The following NRXN3 variants were observed in gnomAD, a reference collection of about 807,000 sequenced individuals.
NRXN3 encodes the protein neurexin 3, also known as neurexin III.
In NRXN3, 32 loss-of-function variants were observed where a neutral mutation model predicts 137.6. The ratio of observed to expected loss-of-function variants is 0.23; its 90% CI spans 0.18 to 0.31. The LOEUF (loss-of-function observed/expected upper bound fraction) is 0.31. NRXN3 is among the 10% of genes least tolerant of loss of function. The pLI is 1.00. For synonymous variants in NRXN3, 798 were observed against 784.5 expected, an observed-to-expected ratio of 1.02 and a Z score of -0.29; for missense variants, 1,574 against 2,062.5, an observed-to-expected ratio of 0.76 and a Z score of 4.59.
chr14:79,696,360 G>GTAAT (rs1234080721), intron 18 of NRXN3, among the ~76,000 whole-genome samples: 1 of 151,820 alleles, frequency 6.6e-6, no homozygotes, highest in Non-Finnish European at 1.5e-5. Context: ...TCTAGCTAAG[G>GTAAT]TAATTCAGGT....
chr14:78,637,213 G>C (rs2097574897), intron 4 of NRXN3, among the ~76,000 whole-genome samples: 1 of 152,150 alleles, frequency 6.6e-6, no homozygotes, highest in Non-Finnish European at 1.5e-5. Flanking sequence ...TAGCCACCTT[G>C]CACTTTTCAC....
chr14:78,902,896 T>C (rs2099201528), intron 10 of NRXN3, among the ~76,000 whole-genome samples: 2 of 151,712 alleles, frequency 1.3e-5, no homozygotes, highest in African/African-American at 4.8e-5. Context: ...TCTGTGACTG[T>C]GCACACCATA....
intron 16 of NRXN3, among the ~76,000 whole-genome samples, chr14:79,483,905 GA>G (rs2096631749): frequency 6.6e-6 from 1 of 152,132 alleles, no homozygotes; most frequent in Non-Finnish European, 1.5e-5. Flanking sequence ...GCTAAAATTT[GA>G]AAACACAGCC....
intron 10 of NRXN3, among the ~76,000 whole-genome samples, chr14:78,846,624 G>C (rs1468987425): frequency 6.6e-6 from 1 of 151,996 alleles, no homozygotes; most frequent in African/African-American, 2.4e-5. Context: ...GGCTTCCCTG[G>C]TGTGTCATTG....
At chr14:78,240,133 A>T (rs2066893151) in intron 1 of NRXN3, among the ~76,000 whole-genome samples, 1 of 152,176 alleles carries the variant, frequency 6.6e-6, no homozygotes, top group African/African-American at 2.4e-5. Context: ...AAGTTTTTGA[A>T]ATTTTAGCAG....
chr14:79,513,109 G>A (rs973695759), intron 16 of NRXN3, among the ~76,000 whole-genome samples: 11 of 152,212 alleles, frequency 7.2e-5, no homozygotes, highest in Admixed American at 2.0e-4. Flanking sequence ...AACCCCATAA[G>A]GATGGTGTAT....
chr14:79,801,770 C>A (rs2099182122), intron 19 of NRXN3, among the ~76,000 whole-genome samples: 1 of 152,074 alleles, frequency 6.6e-6, no homozygotes, highest in African/African-American at 2.4e-5. Flanking sequence ...TATAGAAGAT[C>A]AACAGAAAAC....
chr14:79,170,161 T>C (rs935302687), intron 15 of NRXN3, among the ~76,000 whole-genome samples: 1 of 152,102 alleles, frequency 6.6e-6, no homozygotes, highest in Non-Finnish European at 1.5e-5. Context: ...TTAAGCACTA[T>C]TGTGGAAAAT....
chr14:79,016,959 C>A (rs1016059371), intron 15 of NRXN3, among the ~76,000 whole-genome samples: 4 of 152,108 alleles, frequency 2.6e-5, no homozygotes, highest in Non-Finnish European at 5.9e-5. Flanking sequence ...GGGGAAAAGG[C>A]TCGTGGGCAG....
intron 15 of NRXN3, among the ~76,000 whole-genome samples, chr14:79,270,613 A>G (rs2079161648): frequency 6.6e-6 from 1 of 152,148 alleles, no homozygotes; most frequent in Non-Finnish European, 1.5e-5. Flanking sequence ...TGAATCATGT[A>G]GGGAACCCAG....
intron 4 of NRXN3, among the ~76,000 whole-genome samples, chr14:78,435,478 CCGCACTCA>C (rs1567582722): frequency 6.6e-6 from 1 of 152,126 alleles, no homozygotes; most frequent in African/African-American, 2.4e-5. Context: ...GGGTTAGTCA[CCGCACTCA>C]CATTAAAGAC....
At chr14:78,723,178 C>T (rs185530806) in intron 8 of NRXN3, among the ~76,000 whole-genome samples, 2 of 152,100 alleles carry the variant, frequency 1.3e-5, no homozygotes, top group Admixed American at 6.5e-5. Context: ...ATAACCAGGT[C>T]AGATCACTGA....
At position 78,439,843 on chromosome 14, in the gene NRXN3, C is replaced by T. The variant is rs79152775; in HGVS notation, c.757+141983C>T. ...AGGAAGCGAACACCCACAAGTAGCT[C>T]CTGAGTAAATTATGTTGCATTTCTG... On this transcript the variant is annotated intron_variant, in intron 4 of 20. Transcript: ENST00000335750. 3.7e-3 allele frequency among the ~76,000 whole-genome samples: 556 copies of T among 152,244 alleles called. 24 individuals are homozygous for T. The East Asian group carries it at 0.066, about 18-fold the overall frequency.
chr14:78,233,767 C>T (rs747360558), intron 1 of NRXN3, among the ~76,000 whole-genome samples: 3 of 151,748 alleles, frequency 2.0e-5, no homozygotes, highest in Admixed American at 1.3e-4. Flanking sequence ...TGTGTTAGCC[C>T]AAACACCCTG....
intron 8 of NRXN3, chr14:78,754,004 C>T (rs1237088010): frequency 6.6e-6 from 1 of 152,124 alleles, no homozygotes; most frequent in Non-Finnish European, 1.5e-5. Context: ...ATGAATCAGG[C>T]AACATGAGAC....
At chr14:79,759,343 T>C (rs1347800567) in intron 19 of NRXN3, among the ~76,000 whole-genome samples, 3 of 151,698 alleles carry the variant, frequency 2.0e-5, no homozygotes, top group African/African-American at 7.3e-5. Context: ...TCTTTTACTA[T>C]TGACAGTATT....
chr14:79,285,990 A>G (rs560313092), intron 15 of NRXN3, among the ~76,000 whole-genome samples: 161 of 152,240 alleles, frequency 1.1e-3, no homozygotes, highest in African/African-American at 3.7e-3. Context: ...TGCAATTTAC[A>G]AAATTCATAA....
chr14:78,326,628 AACT>A (rs1414765923), intron 4 of NRXN3, among the ~76,000 whole-genome samples: 2 of 152,208 alleles, frequency 1.3e-5, no homozygotes, highest in African/African-American at 2.4e-5. Context: ...AAGAGAAGTT[AACT>A]AGGACATCCA....
chr14:79,248,981 A>G (rs1255728071), intron 15 of NRXN3: 1 of 152,146 alleles, frequency 6.6e-6, no homozygotes, highest in Non-Finnish European at 1.5e-5. Flanking sequence ...CATGGGCAGA[A>G]CTAGGTTGTA....
Sources: gnomAD v4.1 joint callset for allele counts (sites outside exome capture counted in the v4.1 genomes callset) on GRCh38, gnomAD v4.1.1 for gene constraint, MANE v1.5 for transcripts, NCBI Gene and HGNC (gene_info 2026-07-23, HGNC 2026-07-21) for gene names.